Variants in DPYD observed in about 807,000 individuals in gnomAD.
DPYD encodes the protein dihydropyrimidine dehydrogenase [NADP(+)].
Under a neutral mutation model 116.2 loss-of-function variants are expected in DPYD, and 109 were observed. That is an observed-to-expected ratio of 0.94 (90% CI 0.80 to 1.10). The LOEUF (loss-of-function observed/expected upper bound fraction) is 1.10, where lower values mean the gene tolerates loss of function less well. Among genes scored for constraint, DPYD ranks in the 50% least tolerant of loss-of-function variants. DPYD has a pLI of 0.00. For synonymous variants in DPYD, 440 were observed against 432.0 expected (o/e 1.02, Z -0.23); for missense variants, 1,302 against 1,254.5 (o/e 1.04, Z -0.57).
intron 8 of DPYD, among the ~76,000 whole-genome samples, chr1:97,669,586 C>T (rs1355908936): frequency 1.3e-5 from 2 of 152,112 alleles, no homozygotes; most frequent in South Asian, 2.1e-4. Context: ...CCCTTAAAAG[C>T]TTTGGTCTTG....
intron 6 of DPYD, among the ~76,000 whole-genome samples, chr1:97,692,885 C>T (rs1296875909): frequency 1.3e-5 from 2 of 152,020 alleles, no homozygotes; most frequent in Non-Finnish European, 2.9e-5. Context: ...TCTTCTGGAT[C>T]ATCAATTGAA....
chr1:97,905,917 T>A (rs140372397), intron 1 of DPYD, among the ~76,000 whole-genome samples: 1 of 152,096 alleles, frequency 6.6e-6, no homozygotes, highest in African/African-American at 2.4e-5. Flanking sequence ...AGTTCACTAC[T>A]GACTTTAATC....
chr1:97,242,580 A>G (rs1557966559), intron 18 of DPYD, among the ~76,000 whole-genome samples: 1 of 151,570 alleles, frequency 6.6e-6, no homozygotes, highest in Non-Finnish European at 1.5e-5. Context: ...TTTCAAGTTT[A>G]TATATATATA....
intron 5 of DPYD, among the ~76,000 whole-genome samples, chr1:97,706,152 T>C (rs1028389795): frequency 7.9e-5 from 12 of 152,040 alleles, no homozygotes; most frequent in African/African-American, 2.9e-4. Context: ...AATTCATACA[T>C]TCTGATAAAA....
At chr1:97,894,184 CA>C (rs1241897343) in intron 1 of DPYD, among the ~76,000 whole-genome samples, 2 of 151,748 alleles carry the variant, frequency 1.3e-5, no homozygotes, top group Non-Finnish European at 2.9e-5. Context: ...CACCTTTTTG[CA>C]GTGTGATCAT....
chr1:97,585,203 A>G (rs1654010705), intron 10 of DPYD, among the ~76,000 whole-genome samples: 1 of 152,160 alleles, frequency 6.6e-6, no homozygotes, highest in South Asian at 2.1e-4. Flanking sequence ...CATCAATCCA[A>G]TAAAGAAGCT....
intron 10 of DPYD, among the ~76,000 whole-genome samples, chr1:97,584,915 G>A (rs1227197567): frequency 4.8e-5 from 7 of 146,610 alleles, no homozygotes; most frequent in South Asian, 2.2e-4. Context: ...AAACCTGCAC[G>A]TTGTGCACAT....
At chr1:97,861,823 A>G (rs1671132295) in intron 2 of DPYD, among the ~76,000 whole-genome samples, 1 of 152,006 alleles carries the variant, frequency 6.6e-6, no homozygotes, top group South Asian at 2.1e-4. Flanking sequence ...TATTTCTAAA[A>G]TGTTGCTGTG....
chr1:97,358,164 C>T (rs1291642973), intron 16 of DPYD, among the ~76,000 whole-genome samples: 1 of 152,222 alleles, frequency 6.6e-6, no homozygotes, highest in Admixed American at 6.5e-5. Context: ...GCGCCTGGCT[C>T]AGTGGATTCC....
At chr1:97,893,996 T>G (rs1672917661) in intron 1 of DPYD, among the ~76,000 whole-genome samples, 1 of 151,856 alleles carries the variant, frequency 6.6e-6, no homozygotes, top group Non-Finnish European at 1.5e-5. Flanking sequence ...TAGTGACTAA[T>G]TCTGACATAG....
chr1:97,087,274 A>G (rs1649582254), intron 21 of DPYD, among the ~76,000 whole-genome samples: 2 of 152,226 alleles, frequency 1.3e-5, no homozygotes, highest in African/African-American at 4.8e-5. Context: ...GCACTTAAAA[A>G]TATAGCAGGT....
chr1:97,693,566 A>G (rs1021276322), intron 6 of DPYD, among the ~76,000 whole-genome samples: 1 of 152,170 alleles, frequency 6.6e-6, no homozygotes, highest in Non-Finnish European at 1.5e-5. Flanking sequence ...CTTAACAACT[A>G]TGGACTGTAT....
At chr1:97,234,254 A>G (rs1044474157) in intron 19 of DPYD, among the ~76,000 whole-genome samples, 1 of 152,176 alleles carries the variant, frequency 6.6e-6, no homozygotes, top group African/African-American at 2.4e-5. Context: ...AAGTATATGA[A>G]TACTTTTTAA....
chr1:97,206,644 A>G (rs1440846613), intron 19 of DPYD, among the ~76,000 whole-genome samples: 39 of 31,760 alleles, frequency 1.2e-3, no homozygotes, highest in Non-Finnish European at 1.7e-3. Context: ...GATTTTATAT[A>G]TATATATATA....
intron 11 of DPYD, among the ~76,000 whole-genome samples, chr1:97,553,477 A>T (rs1336546064): frequency 1.3e-5 from 2 of 151,974 alleles, no homozygotes; most frequent in Non-Finnish European, 2.9e-5. Context: ...ATCTCTGCTG[A>T]TAGATTTAAC....
chr1:97,827,526 T>C (rs1197277373), intron 3 of DPYD, among the ~76,000 whole-genome samples: 4 of 152,004 alleles, frequency 2.6e-5, no homozygotes, highest in African/African-American at 9.7e-5. Flanking sequence ...AGGCATCAAA[T>C]TTGGGGCAAT....
chr1:97,359,268 G>A (rs541547329), intron 16 of DPYD, among the ~76,000 whole-genome samples: 5 of 152,212 alleles, frequency 3.3e-5, no homozygotes, highest in African/African-American at 4.8e-5. Flanking sequence ...AAAAAAAAGT[G>A]AAAATAAACG....
intron 20 of DPYD, among the ~76,000 whole-genome samples, chr1:97,105,859 G>T (rs1370834205): frequency 2.0e-5 from 3 of 152,136 alleles, no homozygotes; most frequent in Non-Finnish European, 1.5e-5. Context: ...AAAGGGGAAA[G>T]CAGTGCCTAG....
At chr1:97,083,345 C>CTT (rs1334620702) in intron 21 of DPYD, among the ~76,000 whole-genome samples, 1 of 152,058 alleles carries the variant, frequency 6.6e-6, no homozygotes, top group East Asian at 1.9e-4. Context: ...AGGTTTGACT[C>CTT]TTAGTTAAAA....
Sources: gnomAD v4.1 joint callset for allele counts (sites outside exome capture counted in the v4.1 genomes callset) on GRCh38, gnomAD v4.1.1 for gene constraint, MANE v1.5 for transcripts, NCBI Gene and HGNC (gene_info 2026-07-23, HGNC 2026-07-21) for gene names.